Variants in VPS37A observed in about 807,000 individuals in gnomAD.
VPS37A encodes vacuolar protein sorting-associated protein 37A.
A neutral mutation model predicts 49.8 loss-of-function variants in VPS37A; 30 were observed. That is an observed-to-expected ratio of 0.60 (90% CI 0.45 to 0.82). VPS37A has a LOEUF of 0.82. Among genes scored for constraint, VPS37A ranks in the 40% least tolerant of loss-of-function variants. The pLI is 0.00. For missense variants in VPS37A, 593 were observed against 464.4 expected (o/e 1.28, Z -2.55); for synonymous variants, 195 against 160.6 (o/e 1.21, Z -1.62).
chr8:17,304,628 G>A (rs77844046), downstream of VPS37A: 4,144 of 1,124,124 alleles, frequency 3.7e-3, 16 homozygotes, highest in Non-Finnish European at 4.7e-3. Flanking sequence ...TGAAAACCAC[G>A]TGTCTGTTCG....
chr8:17,314,840 C>T, the VPS37A span, among the ~76,000 whole-genome samples: 1 of 152,236 alleles, frequency 6.6e-6, no homozygotes, highest in African/African-American at 2.4e-5. Flanking sequence ...TGAATTCGCT[C>T]TGGTTCAGAG....
At chr8:17,293,782 C>T (rs1199096817) in intron 11 of VPS37A, among the ~76,000 whole-genome samples, 1 of 152,220 alleles carries the variant, frequency 6.6e-6, no homozygotes, top group Non-Finnish European at 1.5e-5. Flanking sequence ...CCAGCGGAGG[C>T]TGCAGAACAG....
intron 4 of VPS37A, among the ~76,000 whole-genome samples, chr8:17,273,022 C>CT (rs1563263775): frequency 2.6e-4 from 21 of 80,168 alleles, no homozygotes; most frequent in African/African-American, 4.5e-4. Context: ...TTTTGCCCTT[C>CT]CTTTTTTTTT....
the VPS37A span, among the ~76,000 whole-genome samples, chr8:17,326,998 C>T: frequency 6.6e-6 from 1 of 152,224 alleles, no homozygotes; most frequent in Non-Finnish European, 1.5e-5. Flanking sequence ...CCATTCTGCA[C>T]ATGCTCTCCT....
At chr8:17,302,430 A>C, downstream of VPS37A, 1 of 786,906 alleles carries the variant, frequency 1.3e-6, no homozygotes, top group Non-Finnish European at 1.9e-6. Flanking sequence ...TAAGGTAATA[A>C]TTTCATGTTG....
chr8:17,271,107 G>T (rs1325744264), intron 4 of VPS37A, among the ~76,000 whole-genome samples: 1 of 152,182 alleles, frequency 6.6e-6, no homozygotes, highest in Non-Finnish European at 1.5e-5. Context: ...TTAGTTAATG[G>T]AAATGATTCT....
chr8:17,279,777 T>C (rs1167240288), intron 6 of VPS37A: 1 of 533,050 alleles, frequency 1.9e-6, no homozygotes. Context: ...AGAAAGTAGA[T>C]ATATCGATAT....
downstream of VPS37A, among the ~76,000 whole-genome samples, chr8:17,303,951 C>T (rs1339258183): frequency 3.3e-5 from 5 of 152,166 alleles, no homozygotes; most frequent in African/African-American, 1.2e-4. Context: ...CAACCTATTA[C>T]GTTGGTGCAA....
the VPS37A span, chr8:17,313,395 T>A: frequency 1.2e-6 from 2 of 1,607,246 alleles, no homozygotes; most frequent in East Asian, 4.5e-5. Flanking sequence ...AGATTTAAGT[T>A]CACACACTGC....
At chr8:17,310,220 C>T in the VPS37A span, among the ~76,000 whole-genome samples, 2 of 151,976 alleles carry the variant, frequency 1.3e-5, no homozygotes, top group African/African-American at 2.4e-5. Context: ...AGGCTGGTCT[C>T]AAACTCTGGG....
intron 1 of VPS37A, among the ~76,000 whole-genome samples, chr8:17,264,965 C>A (rs1291445125): frequency 3.9e-5 from 6 of 152,136 alleles, no homozygotes; most frequent in Non-Finnish European, 7.4e-5. Flanking sequence ...GTATCAGGGA[C>A]TTAGAAGCCA....
chr8:17,328,583 G>A, the VPS37A span, among the ~76,000 whole-genome samples: 1 of 152,090 alleles, frequency 6.6e-6, no homozygotes, highest in Non-Finnish European at 1.5e-5. Context: ...TGGGGGAGTG[G>A]AGGGAGAGCA....
At chr8:17,261,986 G>A (rs1325721250) in intron 1 of VPS37A, among the ~76,000 whole-genome samples, 2 of 152,122 alleles carry the variant, frequency 1.3e-5, no homozygotes, top group East Asian at 3.9e-4. Context: ...GTTGAGGCAG[G>A]GATGAGTCTC....
the VPS37A span, chr8:17,309,422 G>T: frequency 1.2e-6 from 1 of 839,178 alleles, no homozygotes; most frequent in Non-Finnish European, 2.0e-6. Context: ...GGCACTTGCA[G>T]AAGTCCCCAT....
intron 1 of VPS37A, among the ~76,000 whole-genome samples, chr8:17,249,557 T>C (rs1422985048): frequency 6.6e-6 from 1 of 152,202 alleles, no homozygotes. Flanking sequence ...CTTAAGTAGG[T>C]CATATGCTTC....
downstream of VPS37A, chr8:17,304,248 C>T: frequency 2.1e-6 from 2 of 948,078 alleles, no homozygotes; most frequent in Non-Finnish European, 3.0e-6. Context: ...ATTCAAGCAT[C>T]TCCCTCTGGT....
chr8:17,252,942 C>A (rs1003316441), intron 1 of VPS37A, among the ~76,000 whole-genome samples: 1 of 152,184 alleles, frequency 6.6e-6, no homozygotes, highest in Non-Finnish European at 1.5e-5. Flanking sequence ...GCGTATCAAT[C>A]CTGTAATTAA....
chr8:17,279,747 C>A, intron 6 of VPS37A: 2 of 488,760 alleles, frequency 4.1e-6, no homozygotes, highest in Non-Finnish European at 8.0e-6. Context: ...TGAACACTTC[C>A]CCACGGTTGT....
chr8:17,262,418 T>C (rs7813538), intron 1 of VPS37A, among the ~76,000 whole-genome samples: 2,098 of 152,300 alleles, frequency 0.014, 56 homozygotes, highest in African/African-American at 0.049. Flanking sequence ...CAAAGTGATA[T>C]ATTATTACAG....
Sources: gnomAD v4.1 joint callset for allele counts (sites outside exome capture counted in the v4.1 genomes callset) on GRCh38, gnomAD v4.1.1 for gene constraint, MANE v1.5 for transcripts, NCBI Gene and HGNC (gene_info 2026-07-23, HGNC 2026-07-21) for gene names.